EIF2B2: variants seen among roughly 807,000 people sequenced by gnomAD.
EIF2B2 encodes the protein eukaryotic translation initiation factor 2B subunit beta, also known as translation initiation factor eIF2B subunit beta.
In EIF2B2, 34 loss-of-function variants were observed where a neutral mutation model predicts 34.7. The ratio of observed to expected loss-of-function variants is 0.98; its 90% CI spans 0.75 to 1.31. The LOEUF is 1.31. Ranked by LOEUF, EIF2B2 falls within the 50% of genes most tolerant of loss-of-function variation. The pLI, the probability that EIF2B2 is intolerant of heterozygous loss-of-function variation, is 0.00. For synonymous variants in EIF2B2, 155 were observed against 171.6 expected (o/e 0.90, Z 0.76); for missense variants, 361 against 447.7 (o/e 0.81, Z 1.75).
chr14:75,004,044 C>T (rs553686235), intron 3 of EIF2B2, among the ~76,000 whole-genome samples: 1 of 152,204 alleles, frequency 6.6e-6, no homozygotes, highest in African/African-American at 2.4e-5. Flanking sequence ...CACACGTACA[C>T]GTATACCATT....
Position 75,006,906 on chromosome 14 carries a change from C to A in EIF2B2, c.831+192C>A. The stretch of plus-strand genomic sequence containing the variant: ...CAGTAAAACAGTTGAGAGTTCTCAG[C>A]TGTCAACTTTAGGAAGTCAAGATTG... On this transcript the variant is annotated intron_variant, in intron 6 of 7. Transcript: ENST00000266126. The surrounding 1 kb of genome is among the most constrained non-coding windows in gnomAD (Gnocchi z 4.1). The A allele has an allele frequency of 1.2e-6, 1 of 862,556 alleles. No individual in the cohort carries two copies. The highest frequency in any genetic ancestry group is 1.7e-5 in the African/African-American group (1 of 60,496). The allele number at this position is 862,556 out of a possible 1,614,324, so 53.4% of individuals were successfully genotyped here. A position where few individuals can be genotyped will look rare whatever the true frequency, so the allele number is the denominator to read the frequency against.
intron 3 of EIF2B2, 61 bp from the exon 4 acceptor site, chr14:75,004,666 CATATATATAT>C (rs1230382829): frequency 1.6e-5 from 3 of 184,106 alleles, no homozygotes; most frequent in African/African-American, 1.6e-4. Context: ...ATAGCAATTT[CATATATATAT>C]ATATATATAT....
At chr14:75,004,411 C>G (rs1265430849) in intron 3 of EIF2B2, among the ~76,000 whole-genome samples, 1 of 151,870 alleles carries the variant, frequency 6.6e-6, no homozygotes, top group African/African-American at 2.4e-5. Context: ...TGTGACATAG[C>G]TGGGCATGGT....
chr14:75,003,472 T>C, intron 2 of EIF2B2, 77 bp downstream of exon 2: 1 of 1,614,000 alleles, frequency 6.2e-7, no homozygotes, highest in Non-Finnish European at 8.5e-7. Context: ...CTCGGAGACT[T>C]TATTGGAGCT....
Position 75,002,954 on chromosome 14 carries a change from A to G in EIF2B2, c.-37A>G. ...AAACTGTGTGGTCTGGCAGGTGTGGATTCCGCCGGTGAAGGCTGAAGGCAG... is the reference window on the plus strand; with the variant it reads ...AAACTGTGTGGTCTGGCAGGTGTGGGTTCCGCCGGTGAAGGCTGAAGGCAG... On this transcript the variant is annotated 5_prime_UTR_variant, in exon 1 of 8. Coordinates refer to ENST00000266126, the MANE Select transcript of EIF2B2 (RefSeq NM_014239.4). 6.2e-7 allele frequency: 1 copy of G among 1,613,296 alleles called. No individual in the cohort carries two copies. The highest frequency in any genetic ancestry group is 8.5e-7 in the Non-Finnish European group (1 of 1,179,992).
In EIF2B2 at chr14:75,003,266, G is replaced by A; in HGVS notation, c.164-9G>A. ...TGGCTCCTCTTATCCTCTCTCTTTT[G>A]GACTGTAGGGGAGCTGATGGAGCTG... On this transcript the variant is annotated splice_polypyrimidine_tract_variant and intron_variant, in intron 1 of 7. Coordinates refer to ENST00000266126, the MANE Select transcript of EIF2B2 (RefSeq NM_014239.4). 1 of 1,613,520 alleles carries A rather than the reference G, an allele frequency of 6.2e-7. No homozygotes were observed. Among genetic ancestry groups the A allele is most frequent in the Non-Finnish European group, 8.5e-7 (1 of 1,179,994 alleles).
Position 75,003,706 on chromosome 14 carries a change from G to A in EIF2B2, c.433+7G>A, listed in dbSNP as rs760706892. 6.2e-7 allele frequency: 1 copy of A among 1,614,166 alleles called. No individual in the cohort carries two copies. Among genetic ancestry groups the A allele is most frequent in the Non-Finnish European group, 8.5e-7 (1 of 1,180,030 alleles). On this transcript the variant is annotated splice_region_variant and intron_variant, in intron 3 of 7. Coordinates refer to ENST00000266126, the MANE Select transcript of EIF2B2 (RefSeq NM_014239.4). ...GAGCTGCTAGTGGAGCTGGGTAAGA[G>A]GCCTGATCGCTGGGAAAATGGGACT...
intron 4 of EIF2B2, chr14:75,005,197 CA>C: frequency 2.8e-6 from 1 of 359,654 alleles, no homozygotes; most frequent in Non-Finnish European, 5.4e-6. Flanking sequence ...GCCAACATGA[CA>C]AAACCCCGTC....
intron 4 of EIF2B2, among the ~76,000 whole-genome samples, chr14:75,005,406 G>A (rs175044): frequency 0.4 from 61,368 of 151,714 alleles, 12,929 homozygotes; most frequent in Middle Eastern, 0.52. Context: ...GCGAGCTGCT[G>A]GGTTCAAGGA....
At position 75,009,368 on chromosome 14, in the gene EIF2B2, G is replaced by C. The variant is rs4556; in HGVS notation, c.*180G>C. The C allele has an allele frequency of 0.53, 367,438 of 696,100 alleles. 102,535 individuals are homozygous for C. Among genetic ancestry groups the C allele is most frequent in the East Asian group, 0.83 (30,765 of 37,084 alleles). The allele number at this position is 696,100 out of a possible 1,614,324, so 43.1% of individuals were successfully genotyped here. ...CCCCGTAACAAGGGCACACATCCAG[G>C]ACTGTGTCTTGCCTTTCAGATCTTA... On this transcript the variant is annotated 3_prime_UTR_variant, in exon 8 of 8. Coordinates refer to ENST00000266126, the MANE Select transcript of EIF2B2 (RefSeq NM_014239.4).
At position 75,011,729 on chromosome 14, in the gene EIF2B2, G is replaced by A. The variant is rs149912718; in HGVS notation, c.*2541G>A. The A allele has an allele frequency of 2.1e-3, 321 of 152,294 alleles. No homozygotes were observed. The highest frequency in any genetic ancestry group is 4.0e-3 in the Non-Finnish European group (272 of 68,024). 9.4% of individuals were successfully genotyped at this position (152,294 alleles called of 1,614,324 possible). On this transcript the variant is annotated 3_prime_UTR_variant, in exon 8 of 8. Transcript: ENST00000266126. ...GACCCCACGCTTTCTCAGTGAAGTG[G>A]CTTGTAGCTACCAATTACGAGCAAT...
chr14:75,003,488 G>A, intron 2 of EIF2B2, 63 bp from the exon 3 acceptor site: 1 of 1,614,066 alleles, frequency 6.2e-7, no homozygotes, highest in Non-Finnish European at 8.5e-7. Flanking sequence ...GAGCTGAACA[G>A]CCCTTGTTAC....
At chr14:75,008,229 T>C in intron 7 of EIF2B2, 1 of 229,540 alleles carries the variant, frequency 4.4e-6, no homozygotes, top group Non-Finnish European at 8.6e-6. Flanking sequence ...CTTGGGGTTC[T>C]TTTCTCTGGC....
At chr14:75,003,902 T>C (rs1030612675) in intron 3 of EIF2B2, among the ~76,000 whole-genome samples, 1 of 152,212 alleles carries the variant, frequency 6.6e-6, no homozygotes, top group Non-Finnish European at 1.5e-5. Flanking sequence ...AGACCAACCC[T>C]TGATAGACTA....
At position 75,010,033 on chromosome 14, in the gene EIF2B2, GTA is replaced by G. The variant is rs2139258793; in HGVS notation, c.*848_*849del. On this transcript the variant is annotated 3_prime_UTR_variant, in exon 8 of 8. Transcript: ENST00000266126. ...AAAAAAATAACAAGTACAAATGAAA[GTA>G]TAGTTTCCTTTACAATTCACTGCTC... 6.6e-6 allele frequency: 1 copy of G among 152,208 alleles called. No homozygotes were observed. The highest frequency in any genetic ancestry group is 2.1e-4 in the South Asian group (1 of 4,820). The allele number at this position is 152,208 out of a possible 1,614,324, so 9.4% of individuals were successfully genotyped here.
In EIF2B2 at chr14:75,005,858, C is replaced by A; in HGVS notation, c.598-8C>A. 1.2e-6 allele frequency: 2 copies of A among 1,608,320 alleles called. No individual in the cohort carries two copies. Among genetic ancestry groups the A allele is most frequent in the South Asian group, 2.2e-5 (2 of 90,932 alleles). On this transcript the variant is annotated splice_region_variant and splice_polypyrimidine_tract_variant and intron_variant, in intron 4 of 7. Coordinates refer to ENST00000266126, the MANE Select transcript of EIF2B2 (RefSeq NM_014239.4). ...TCTCTTAGAATCAGCCTTTCCCTCCCATTGCAGGGTCATGAAATGGCTGTG... is the reference window on the plus strand; with the variant it reads ...TCTCTTAGAATCAGCCTTTCCCTCCAATTGCAGGGTCATGAAATGGCTGTG...
At chr14:75,007,408 CAT>C in intron 6 of EIF2B2, 1 of 351,720 alleles carries the variant, frequency 2.8e-6, no homozygotes, top group Non-Finnish European at 5.5e-6. Flanking sequence ...TAAAAGGAAT[CAT>C]ATAATATGTG....
chr14:75,009,296 C>A lies in EIF2B2; in HGVS notation c.*108C>A. 7.1e-7 allele frequency: 1 copy of A among 1,400,950 alleles called. No homozygotes were observed. The highest frequency in any genetic ancestry group is 1.7e-5 in the Admixed American group (1 of 57,704). The allele number at this position is 1,400,950 out of a possible 1,614,324, so 86.8% of individuals were successfully genotyped here. ...TTGCAATGTGGGAGTGCACAGGAGT[C>A]CACCTAAAAAAAAAATCCTTGATAC... is the stretch of plus-strand genomic sequence containing the variant. On this transcript the variant is annotated 3_prime_UTR_variant, in exon 8 of 8. Transcript: ENST00000266126.
chr14:75,006,836 G>GATC lies in EIF2B2; in HGVS notation c.831+124_831+125insCAT, dbSNP rs1889633367. On this transcript the variant is annotated intron_variant, in intron 6 of 7. Coordinates refer to ENST00000266126, the MANE Select transcript of EIF2B2 (RefSeq NM_014239.4). This position sits in a 1 kb window ranked among gnomAD's most constrained non-coding sequence, Gnocchi z 4.1. The stretch of plus-strand genomic sequence containing the variant: ...TCCATTTATCTGCATTTACTCAATG[G>GATC]ATTACACCCAGTGGAGGCTGGAAAG... 1 of 1,397,152 alleles carries GATC rather than the reference G, an allele frequency of 7.2e-7. No homozygotes were observed. The highest frequency in any genetic ancestry group is 1.4e-5 in the African/African-American group (1 of 70,520). 86.5% of individuals were successfully genotyped at this position (1,397,152 alleles called of 1,614,324 possible). A position where few individuals can be genotyped will look rare whatever the true frequency, so the allele number is the denominator to read the frequency against.
Sources: gnomAD v4.1 joint callset for allele counts (sites outside exome capture counted in the v4.1 genomes callset) on GRCh38, gnomAD v4.1.1 for gene constraint, Gnocchi (gnomAD v3.1) non-coding constraint, MANE v1.5 for transcripts, NCBI Gene and HGNC (gene_info 2026-07-23, HGNC 2026-07-21) for gene names.